RABGEF1: variants seen among roughly 807,000 people sequenced by gnomAD.
RABGEF1 encodes the protein rab5 GDP/GTP exchange factor.
In RABGEF1, 26 loss-of-function variants were observed where a neutral mutation model predicts 57.3. That is an observed-to-expected ratio of 0.45 (90% CI 0.33 to 0.63). RABGEF1 has a LOEUF of 0.63. Among genes scored for constraint, RABGEF1 ranks in the 20% least tolerant of loss-of-function variants. RABGEF1 has a pLI of 0.02. For synonymous variants in RABGEF1, 185 were observed against 210.7 expected (o/e 0.88, Z 1.06); for missense variants, 464 against 607.6 (o/e 0.76, Z 2.48).
chr7:66,770,276 G>A (rs1806775576), intron 1 of RABGEF1: 1 of 152,178 alleles, frequency 6.6e-6, no homozygotes, highest in South Asian at 2.1e-4. Flanking sequence ...GAGTCTTCTT[G>A]AATGAATGGT....
At chr7:66,801,826 A>G (rs757203134) in intron 7 of RABGEF1, among the ~76,000 whole-genome samples, 7 of 152,156 alleles carry the variant, frequency 4.6e-5, no homozygotes, top group Non-Finnish European at 1.0e-4. Flanking sequence ...CTGTGTGGCT[A>G]TGGGGGCAGT....
the RABGEF1 span, among the ~76,000 whole-genome samples, chr7:66,658,052 C>T: frequency 6.6e-6 from 1 of 152,084 alleles, no homozygotes; most frequent in African/African-American, 2.4e-5. Flanking sequence ...GACTAAGAAA[C>T]ACAAGAAGAC....
intron 3 of RABGEF1, among the ~76,000 whole-genome samples, chr7:66,778,578 G>A (rs1328151566): frequency 2.0e-5 from 3 of 152,146 alleles, no homozygotes; most frequent in East Asian, 1.9e-4. Flanking sequence ...TCTGAAGACG[G>A]TGATTCTCTA....
chr7:66,677,198 CTT>C (rs1288183670), upstream of RABGEF1, among the ~76,000 whole-genome samples: 2 of 152,112 alleles, frequency 1.3e-5, no homozygotes, highest in African/African-American at 2.4e-5. Context: ...ATTTAATACT[CTT>C]GTGATAAAAA....
At position 66,797,306 on chromosome 7, in the gene RABGEF1, C is replaced by CAAAA. The variant is rs368106136; in HGVS notation, c.596-56_596-53dup. 411 of 974,272 alleles carry CAAAA rather than the reference C, an allele frequency of 4.2e-4. 5 individuals are homozygous for CAAAA. The highest frequency in any genetic ancestry group is 5.5e-4 in the South Asian group (29 of 52,540). 60.4% of individuals were successfully genotyped at this position (974,272 alleles called of 1,614,324 possible). A position where few individuals can be genotyped will look rare whatever the true frequency, so the allele number is the denominator to read the frequency against. Reference sequence around the variant, plus strand: ...GCGACAGAGCCAGACTCTTTGTTTGCAAAAAAAAAAAAAAAGAGAGAGAAA... The same window carrying CAAAA: ...GCGACAGAGCCAGACTCTTTGTTTGCAAAAAAAAAAAAAAAAAAAGAGAGAGAAA... On this transcript the variant is annotated intron_variant, in intron 5 of 8. Transcript: ENST00000284957.
chr7:66,732,848 C>G (rs1797500857), intron 2 of RABGEF1, among the ~76,000 whole-genome samples: 1 of 152,142 alleles, frequency 6.6e-6, no homozygotes, highest in South Asian at 2.1e-4. Context: ...TGTTTAATCA[C>G]AGACCTCTCC....
intron 8 of RABGEF1, 32 bp downstream of exon 8, chr7:66,805,428 A>T: frequency 6.2e-7 from 1 of 1,607,546 alleles, no homozygotes. Context: ...GTTGTGGAGA[A>T]GGACTAGGAA....
intron 4 of RABGEF1, among the ~76,000 whole-genome samples, chr7:66,795,029 G>A (rs1435622105): frequency 2.0e-5 from 3 of 152,160 alleles, no homozygotes; most frequent in Admixed American, 6.6e-5. Context: ...AGGGGTCCCC[G>A]GAAAAACTCC....
At chr7:66,674,660 A>C in the RABGEF1 span, among the ~76,000 whole-genome samples, 1 of 152,186 alleles carries the variant, frequency 6.6e-6, no homozygotes, top group African/African-American at 2.4e-5. Flanking sequence ...ATGGTGGATA[A>C]ATTTCAAAAA....
At chr7:66,798,715 G>A (rs1184860373) in intron 6 of RABGEF1, among the ~76,000 whole-genome samples, 1 of 152,168 alleles carries the variant, frequency 6.6e-6, no homozygotes, top group East Asian at 1.9e-4. Flanking sequence ...TGTAATCCCA[G>A]CACTTTGGGA....
intron 1 of RABGEF1, among the ~76,000 whole-genome samples, chr7:66,683,732 T>C (rs1265075164): frequency 2.5e-5 from 1 of 39,892 alleles, no homozygotes; most frequent in Non-Finnish European, 5.0e-5. Context: ...AGGTGCTTAT[T>C]TATTTATTTA....
upstream of RABGEF1, among the ~76,000 whole-genome samples, chr7:66,679,277 T>C (rs1283600245): frequency 6.6e-6 from 1 of 152,210 alleles, no homozygotes. Context: ...AGGCCACTCC[T>C]GTCTATTTTA....
chr7:66,729,442 C>T (rs746171677), intron 2 of RABGEF1, among the ~76,000 whole-genome samples: 5 of 150,764 alleles, frequency 3.3e-5, no homozygotes, highest in Non-Finnish European at 5.9e-5. Flanking sequence ...GTCTATTCTC[C>T]TCTCCAACCT....
At chr7:66,685,151 T>C (rs2117050265) in intron 1 of RABGEF1, among the ~76,000 whole-genome samples, 1 of 139,404 alleles carries the variant, frequency 7.2e-6, no homozygotes, top group African/African-American at 2.6e-5. Flanking sequence ...CTGGATTATT[T>C]GCTTTTTTTT....
chr7:66,733,022 A>G (rs1427679825), intron 2 of RABGEF1, among the ~76,000 whole-genome samples: 2 of 152,094 alleles, frequency 1.3e-5, no homozygotes, highest in East Asian at 1.9e-4. Flanking sequence ...AGCTCCCTAT[A>G]TAATGCAGAG....
the RABGEF1 span, among the ~76,000 whole-genome samples, chr7:66,662,422 G>A: frequency 3.3e-5 from 5 of 152,148 alleles, no homozygotes; most frequent in South Asian, 4.1e-4. Flanking sequence ...TGATCAGGCT[G>A]GATAATCCTC....
the RABGEF1 span, chr7:66,667,674 G>A: frequency 6.6e-6 from 1 of 152,230 alleles, no homozygotes; most frequent in African/African-American, 2.4e-5. Flanking sequence ...GTATTAATAA[G>A]CCTGTCATTT....
chr7:66,699,141 C>T (rs893486671), intron 1 of RABGEF1, among the ~76,000 whole-genome samples: 4 of 152,164 alleles, frequency 2.6e-5, no homozygotes, highest in African/African-American at 9.6e-5. Flanking sequence ...TCTGGGTTTC[C>T]TCGTGGGTCC....
intron 1 of RABGEF1, among the ~76,000 whole-genome samples, chr7:66,757,521 TAATC>T (rs1803051231): frequency 6.6e-6 from 1 of 152,246 alleles, no homozygotes; most frequent in Admixed American, 6.5e-5. Flanking sequence ...TTTCGTGCAG[TAATC>T]AATCAGTATA....
Sources: gnomAD v4.1 joint callset for allele counts (sites outside exome capture counted in the v4.1 genomes callset) on GRCh38, gnomAD v4.1.1 for gene constraint, MANE v1.5 for transcripts, NCBI Gene and HGNC (gene_info 2026-07-23, HGNC 2026-07-21) for gene names.